ATP5F1A: variants seen among roughly 807,000 people sequenced by gnomAD.
ATP5F1A encodes ATP synthase F1 subunit alpha.
A neutral mutation model predicts 57.4 loss-of-function variants in ATP5F1A; 24 were observed. The observed-to-expected ratio is 0.42, with a 90% CI of 0.30 to 0.59. ATP5F1A has a LOEUF of 0.59. ATP5F1A is among the 20% of genes least tolerant of loss of function. The probability of loss-of-function intolerance (pLI) is 0.19; values close to 1 mark genes in which losing one functional copy is unlikely to be tolerated. For missense variants in ATP5F1A, 494 were observed against 707.9 expected (o/e 0.70, Z 3.43); for synonymous variants, 251 against 255.5 (o/e 0.98, Z 0.17).
chr18:46,091,584 C>CA (rs1377966351), intron 3 of ATP5F1A, 98 bp downstream of exon 3: 3 of 1,311,924 alleles, frequency 2.3e-6, no homozygotes, highest in Non-Finnish European at 3.1e-6. Flanking sequence ...CAAATTAAGA[C>CA]AAAGTTTTTT....
chr18:46,100,251 T>TAAAAAAAAAAAAAAAAAAAAAAAA (rs34683117), upstream of ATP5F1A, among the ~76,000 whole-genome samples: 21 of 68,636 alleles, frequency 3.1e-4, no homozygotes, highest in African/African-American at 3.8e-4. Context: ...AAACTCCATC[T>TAAAAAAAAAAAAAAAAAAAAAAAA]AAAAAAAAAA....
At chr18:46,098,370 T>TCC (rs1911144806), upstream of ATP5F1A, 3 of 1,252,298 alleles carry the variant, frequency 2.4e-6, no homozygotes, top group Admixed American at 3.7e-5. Flanking sequence ...TCACCACCTC[T>TCC]CCCCCCGCCC....
At chr18:46,094,388 G>C (rs1435741561) in intron 2 of ATP5F1A, among the ~76,000 whole-genome samples, 1 of 152,064 alleles carries the variant, frequency 6.6e-6, no homozygotes, top group East Asian at 1.9e-4. Flanking sequence ...CCTATCAGTG[G>C]ACCGGTGCAG....
chr18:46,095,073 T>A lies in ATP5F1A; in HGVS notation c.119A>T (p.Asn40Ile). 1 of 1,613,660 alleles carries A rather than the reference T, an allele frequency of 6.2e-7. No individual in the cohort carries two copies. Among genetic ancestry groups the A allele is most frequent in the Non-Finnish European group, 8.5e-7 (1 of 1,179,738 alleles). The change falls in exon 2 of 12, where the codon AAC (asparagine) becomes ATC (isoleucine). Residue 40 changes from asparagine to isoleucine, a missense_variant. Transcript: ENST00000398752. Reference sequence around the variant, plus strand: ...CTTACCAGTCTTTTGAAGATGAGTGTTAGAGGCATGGAAGTTCCTTGCAGC... The same window carrying A: ...CTTACCAGTCTTTTGAAGATGAGTGATAGAGGCATGGAAGTTCCTTGCAGC... ...FIAARNFHAS[N>I]THLQKTGTAE...
At chr18:46,097,742 T>A (rs1239444257) in intron 1 of ATP5F1A, 18 of 877,580 alleles carry the variant, frequency 2.1e-5, no homozygotes, top group Non-Finnish European at 2.5e-5. Flanking sequence ...TCACACAATG[T>A]CAGACTCCAC....
In ATP5F1A at chr18:46,089,719, G is replaced by C; in HGVS notation, c.497C>G (p.Ser166Cys). ...CAGACCAACTCGCCTACGCGTCTTG[G>C]AACCAATTGGACCCTGTTAAAAAAT... ...NAIDGKGPIG[S>C]KTRRRVGLKA... The change falls in exon 5 of 12, where the codon TCC (serine) becomes TGC (cysteine). Residue 166 changes from serine (S) to cysteine (C), a missense_variant. Ser to Cys is a moderately radical substitution (Grantham distance 112). This residue lies in a region of ATP5F1A where 191 missense variants were observed against 267.7 expected (regional missense o/e 0.71). Coordinates refer to ENST00000398752, the MANE Select transcript of ATP5F1A (RefSeq NM_004046.6). The C allele has an allele frequency of 6.2e-7, 1 of 1,614,068 alleles. No individual in the cohort carries two copies. The highest frequency in any genetic ancestry group is 8.5e-7 in the Non-Finnish European group (1 of 1,179,958).
At chr18:46,087,599 GC>G in intron 6 of ATP5F1A, 107 bp from the exon 7 acceptor site, 3 of 1,321,380 alleles carry the variant, frequency 2.3e-6, no homozygotes, top group Non-Finnish European at 3.1e-6. Context: ...AGTTAATCAG[GC>G]CAGGCGCAGT....
At chr18:46,101,776 C>A (rs1285229472), upstream of ATP5F1A, among the ~76,000 whole-genome samples, 1 of 151,702 alleles carries the variant, frequency 6.6e-6, no homozygotes, top group African/African-American at 2.4e-5. Flanking sequence ...CCTGTAATCC[C>A]AGCTATTTAG....
chr18:46,093,038 A>T (rs1482814782), intron 2 of ATP5F1A: 1 of 152,142 alleles, frequency 6.6e-6, no homozygotes, highest in African/African-American at 2.4e-5. Flanking sequence ...AATCCCAGCT[A>T]CTTGGGTGGC....
chr18:46,102,241 A>C (rs1773596557), upstream of ATP5F1A, among the ~76,000 whole-genome samples: 1 of 152,162 alleles, frequency 6.6e-6, no homozygotes. Context: ...AAAAGACATA[A>C]AGATAACTTT....
rs1910175081 is a variant in ATP5F1A at position 46,087,288 on chromosome 18, G to C, written c.951+53C>G. The C allele has an allele frequency of 4.3e-6, 7 of 1,611,484 alleles. No homozygotes were observed. In the Admixed American group the frequency reaches 5.0e-5, roughly 12 times the overall value. On this transcript the variant is annotated intron_variant, in intron 7 of 11. Coordinates refer to ENST00000398752, the MANE Select transcript of ATP5F1A (RefSeq NM_004046.6). ...CCTATTAAATAGAAGTTGCATATGT[G>C]AACTTTTACTTCAGTACAAATAAAT...
At chr18:46,089,521 G>C (rs60551726) in intron 5 of ATP5F1A, 45 bp downstream of exon 5, 3 of 1,604,880 alleles carry the variant, frequency 1.9e-6, no homozygotes, top group Non-Finnish European at 2.6e-6. Flanking sequence ...TCCTTCCATT[G>C]AGCAAATTTT....
Position 46,080,618 on chromosome 18 carries a change from A to C in ATP5F1A, c.*3664T>G, listed in dbSNP as rs1020295382. The C allele has an allele frequency of 6.8e-6, 1 of 147,754 alleles. No homozygotes were observed. The highest frequency in any genetic ancestry group is 2.5e-5 in the African/African-American group (1 of 40,052). 9.2% of individuals were successfully genotyped at this position (147,754 alleles called of 1,614,324 possible). On this transcript the variant is annotated 3_prime_UTR_variant, in exon 12 of 12. Transcript: ENST00000398752. The stretch of plus-strand genomic sequence containing the variant: ...AGGGGAGATCTTGAAGTCTTCTAGC[A>C]CAACTTTTTTTAAGAGTCAGGGTCT...
upstream of ATP5F1A, among the ~76,000 whole-genome samples, chr18:46,100,499 C>T (rs186672776): frequency 7.9e-5 from 12 of 152,094 alleles, no homozygotes; most frequent in East Asian, 1.5e-3. Context: ...AATCCCAACA[C>T]GTTGGGAAGC....
Position 46,087,121 on chromosome 18 carries a change from T to G in ATP5F1A, c.1063A>C (p.Met355Leu), listed in dbSNP as rs1910160133. 1.2e-6 allele frequency: 2 copies of G among 1,614,214 alleles called. No homozygotes were observed. The highest frequency in any genetic ancestry group is 2.2e-5 in the South Asian group (2 of 91,080). The change falls in exon 8 of 12, where the codon ATG becomes CTG. Residue 355 changes from methionine (M) to leucine (L), a missense_variant. By Grantham distance (15) the Met-to-Leu change is conservative (BLOSUM62 2). Coordinates refer to ENST00000398752, the MANE Select transcript of ATP5F1A (RefSeq NM_004046.6). ...HSRLLERAAKMNDAFGGGSLT... is the reference protein window; with the variant it reads ...HSRLLERAAKLNDAFGGGSLT... ...GAGCCACCACCAAAAGCATCGTTCATTTTGGCTGCTCTCTCCAGCAACCGG... is the reference window on the plus strand; with the variant it reads ...GAGCCACCACCAAAAGCATCGTTCAGTTTGGCTGCTCTCTCCAGCAACCGG...
At chr18:46,097,905 C>T in intron 1 of ATP5F1A, 1 of 1,235,652 alleles carries the variant, frequency 8.1e-7, no homozygotes, top group East Asian at 3.3e-5. Context: ...CCTTCTAGGG[C>T]CGCTGTCAGC....
intron 9 of ATP5F1A, 41 bp from the exon 10 acceptor site, chr18:46,086,298 G>T: frequency 6.2e-7 from 1 of 1,612,636 alleles, no homozygotes; most frequent in Non-Finnish European, 8.5e-7. Context: ...CAGTGACACA[G>T]AGCACTATAC....
At chr18:46,097,930 T>C (rs1433616041) in intron 1 of ATP5F1A, 3 of 1,257,600 alleles carry the variant, frequency 2.4e-6, no homozygotes, top group Non-Finnish European at 3.0e-6. Flanking sequence ...GACAGGAATC[T>C]TGAGGCCCTG....
Position 46,098,192 on chromosome 18 carries a change from G to C in ATP5F1A, c.40C>G (p.Leu14Val). The C allele has an allele frequency of 6.2e-7, 1 of 1,606,122 alleles. No homozygotes were observed. The highest frequency in any genetic ancestry group is 8.5e-7 in the Non-Finnish European group (1 of 1,178,984). The change falls in exon 1 of 12, where the codon CTT becomes GTT. Residue 14 changes from leucine to valine, a missense_variant. By Grantham distance (32) the Leu-to-Val change is conservative. This residue lies in a region of ATP5F1A where 142 missense variants were observed against 137.5 expected (regional missense o/e 1.03). Coordinates refer to ENST00000398752, the MANE Select transcript of ATP5F1A (RefSeq NM_004046.6). Reference sequence around the variant, plus strand: ...CTCACCAGTCCGGCCCGCCGAGGAAGGGCGCGGACCACGGCCGCAGCAACG... The same window carrying C: ...CTCACCAGTCCGGCCCGCCGAGGAACGGCGCGGACCACGGCCGCAGCAACG... ...VRVAAAVVRA[L>V]PRRAGLVSRN...
Sources: allele counts gnomAD v4.1 joint callset (sites outside exome capture counted in the v4.1 genomes callset), GRCh38; gene constraint gnomAD v4.1.1; regional missense constraint gnomAD v4.1.1; transcripts MANE v1.5; gene names NCBI Gene and HGNC (gene_info 2026-07-23, HGNC 2026-07-21).